Variants in SYTL1 observed in about 807,000 individuals in gnomAD.
SYTL1 encodes the protein synaptotagmin-like protein 1.
A neutral mutation model predicts 74.6 loss-of-function variants in SYTL1; 53 were observed. That is an observed-to-expected ratio of 0.71 (90% CI 0.57 to 0.89). The LOEUF is 0.89. SYTL1 is among the 40% of genes least tolerant of loss of function. The probability of loss-of-function intolerance (pLI) is 0.00; values close to 1 mark genes in which losing one functional copy is unlikely to be tolerated. For synonymous variants in SYTL1, 329 were observed against 324.9 expected (o/e 1.01, Z -0.14); for missense variants, 728 against 768.7 (o/e 0.95, Z 0.63).
At position 27,348,046 on chromosome 1, in the gene SYTL1, C is replaced by G. The variant is rs1190059560; in HGVS notation, c.459+34C>G. 1 of 1,608,426 alleles carries G rather than the reference C, an allele frequency of 6.2e-7. No individual in the cohort carries two copies. Among genetic ancestry groups the G allele is most frequent in the East Asian group, 2.2e-5 (1 of 44,848 alleles). On this transcript the variant is annotated intron_variant, in intron 5 of 14. Coordinates refer to ENST00000616558, the MANE Select transcript of SYTL1 (RefSeq NM_001193308.2). The surrounding 1 kb of genome is among the most constrained non-coding windows in gnomAD (Gnocchi z 4.1). ...ATGAGCCAACATGTGAGTACAGTGT[C>G]CCTGGAGGGGAGGTGGAATGTGCAG...
chr1:27,344,189 T>C (rs1009887017), intron 1 of SYTL1, among the ~76,000 whole-genome samples: 1 of 151,932 alleles, frequency 6.6e-6, no homozygotes, highest in African/African-American at 2.4e-5. Context: ...CCATAACCTC[T>C]GCCTCCCAGT....
chr1:27,347,222 A>G lies in SYTL1; in HGVS notation c.192-199A>G, dbSNP rs149295102. ...GGCAGAGCTGGCTCTTCTTACTTCTATCACATCATCCACCTCACTACAGTG... is the reference window on the plus strand; with the variant it reads ...GGCAGAGCTGGCTCTTCTTACTTCTGTCACATCATCCACCTCACTACAGTG... On this transcript the variant is annotated intron_variant, in intron 2 of 14. Coordinates refer to ENST00000616558, the MANE Select transcript of SYTL1 (RefSeq NM_001193308.2). The surrounding 1 kb of genome is among the most constrained non-coding windows in gnomAD (Gnocchi z 4.9). 5.4e-3 allele frequency among the ~76,000 whole-genome samples: 828 copies of G among 152,346 alleles called. 10 individuals carry two copies. Among genetic ancestry groups the G allele is most frequent in the African/African-American group, 0.019 (783 of 41,574 alleles).
At chr1:27,353,621 G>A (rs943759253) in intron 14 of SYTL1, 92 bp from the exon 15 acceptor site, 4 of 1,561,052 alleles carry the variant, frequency 2.6e-6, no homozygotes, top group Non-Finnish European at 3.5e-6. Flanking sequence ...TGGTAACGGG[G>A]GACAGTGCAT....
rs967265169 is a variant in SYTL1, at chr1:27,345,782, T to A, written c.191+257T>A. Among the ~76,000 whole-genome samples the A allele has an allele frequency of 7.2e-6, 1 of 138,872 alleles. No individual in the cohort carries two copies. 91.1% of individuals were successfully genotyped at this position (138,872 alleles called of 152,430 possible). ...CTGGTGCTCCCCAGATCTGTCTGCTTTTTTTTTTTTTTCTTGAGACAGAGT... is the reference window on the plus strand; with the variant it reads ...CTGGTGCTCCCCAGATCTGTCTGCTATTTTTTTTTTTTCTTGAGACAGAGT... On this transcript the variant is annotated intron_variant, in intron 2 of 14. Coordinates refer to ENST00000616558, the MANE Select transcript of SYTL1 (RefSeq NM_001193308.2). The surrounding 1 kb of genome is among the most constrained non-coding windows in gnomAD (Gnocchi z 6.0).
rs760860885 is a variant in SYTL1, at chr1:27,347,838, C to CTGTG, written c.373_374insTGTG (p.Glu125ValfsTer2). 4.3e-5 allele frequency: 70 copies of CTGTG among 1,613,872 alleles called. No individual in the cohort carries two copies. Among genetic ancestry groups the CTGTG allele is most frequent in the Non-Finnish European group, 5.6e-5 (66 of 1,179,938 alleles). On this transcript the variant is annotated frameshift_variant, in exon 4 of 15. Coordinates refer to ENST00000616558, the MANE Select transcript of SYTL1 (RefSeq NM_001193308.2). LOFTEE classifies it high-confidence loss of function. This position sits in a 1 kb window ranked among gnomAD's most constrained non-coding sequence, Gnocchi z 4.9. ...CAGGCTCCAGGCCACGACAGGGAGG[C>CTGTG]TGAGGCTGCTGTGAAAGAGAAGGAA...
At chr1:27,346,491 T>G (rs1054486903) in intron 2 of SYTL1, among the ~76,000 whole-genome samples, 1 of 152,138 alleles carries the variant, frequency 6.6e-6, no homozygotes, top group East Asian at 1.9e-4. Context: ...TGGCCAGAGA[T>G]AGTGGCAACG....
In SYTL1 at chr1:27,349,674, T is replaced by C. The variant is rs761683663; in HGVS notation, c.656T>C (p.Leu219Pro). ...QAQTKAASQI[L>P]ENGEEAPGPD... ...CAGACCAAGGCCGCGTCCCAGATCC[T>C]GGAGAATGGGGAGGAGGCCCCGGGG... The change falls in exon 8 of 15, where the codon CTG becomes CCG. Residue 219 changes from leucine (L) to proline (P), a missense_variant. By Grantham distance (98) the Leu-to-Pro change is moderately conservative. Coordinates refer to ENST00000616558, the MANE Select transcript of SYTL1 (RefSeq NM_001193308.2). The C allele has an allele frequency of 3.7e-6, 6 of 1,610,640 alleles. No individual in the cohort carries two copies. The East Asian group carries it at 1.3e-4, about 36-fold the overall frequency.
Position 27,351,581 on chromosome 1 carries a change from TC to T in SYTL1, c.1343+29del. ...GTGAGGAGTGCTGGCCCTCCGGGCTTCCCATTCTTTTGCCTGCAGTGGAGTG... is the reference window on the plus strand; with the variant it reads ...GTGAGGAGTGCTGGCCCTCCGGGCTTCCATTCTTTTGCCTGCAGTGGAGTG... On this transcript the variant is annotated intron_variant, in intron 13 of 14. Coordinates refer to ENST00000616558, the MANE Select transcript of SYTL1 (RefSeq NM_001193308.2). This position sits in a 1 kb window ranked among gnomAD's most constrained non-coding sequence, Gnocchi z 5.0. The T allele has an allele frequency of 6.9e-7, 1 of 1,447,308 alleles. No homozygotes were observed. Among genetic ancestry groups the T allele is most frequent in the Non-Finnish European group, 9.3e-7 (1 of 1,077,424 alleles). 89.7% of individuals were successfully genotyped at this position (1,447,308 alleles called of 1,614,324 possible). A position where few individuals can be genotyped will look rare whatever the true frequency, so the allele number is the denominator to read the frequency against.
At position 27,347,393 on chromosome 1, in the gene SYTL1, G is replaced by T. The variant is rs771523443; in HGVS notation, c.192-28G>T. On this transcript the variant is annotated intron_variant, in intron 2 of 14. Transcript: ENST00000616558. This position sits in a 1 kb window ranked among gnomAD's most constrained non-coding sequence, Gnocchi z 4.9. ...CGGGAATGTTGCTTGGGTGAGTCATGACAGCCACACCCTCCCCCTTCCTCC... is the reference window on the plus strand; with the variant it reads ...CGGGAATGTTGCTTGGGTGAGTCATTACAGCCACACCCTCCCCCTTCCTCC... 3 of 1,613,660 alleles carry T rather than the reference G, an allele frequency of 1.9e-6. No individual in the cohort carries two copies. In the South Asian group the frequency reaches 3.3e-5, roughly 18 times the overall value.
intron 2 of SYTL1, among the ~76,000 whole-genome samples, chr1:27,346,660 G>C (rs1031217809): frequency 2.0e-5 from 3 of 152,070 alleles, no homozygotes. Flanking sequence ...TATTTAGGCA[G>C]CTGAGGTGAG....
chr1:27,351,592 T>A lies in SYTL1; in HGVS notation c.1343+37T>A. On this transcript the variant is annotated intron_variant, in intron 13 of 14. Coordinates refer to ENST00000616558, the MANE Select transcript of SYTL1 (RefSeq NM_001193308.2). This position sits in a 1 kb window ranked among gnomAD's most constrained non-coding sequence, Gnocchi z 5.0. ...TGGCCCTCCGGGCTTCCCATTCTTTTGCCTGCAGTGGAGTGCCCAACCTCC... is the reference window on the plus strand; with the variant it reads ...TGGCCCTCCGGGCTTCCCATTCTTTAGCCTGCAGTGGAGTGCCCAACCTCC... The A allele has an allele frequency of 7.3e-7, 1 of 1,377,070 alleles. No homozygotes were observed. Among genetic ancestry groups the A allele is most frequent in the Non-Finnish European group, 9.8e-7 (1 of 1,015,318 alleles). The allele number at this position is 1,377,070 out of a possible 1,614,324, so 85.3% of individuals were successfully genotyped here.
chr1:27,351,624 C>T lies in SYTL1; in HGVS notation c.1343+69C>T. On this transcript the variant is annotated intron_variant, in intron 13 of 14. Coordinates refer to ENST00000616558, the MANE Select transcript of SYTL1 (RefSeq NM_001193308.2). This position sits in a 1 kb window ranked among gnomAD's most constrained non-coding sequence, Gnocchi z 5.0. ...AGTGGAGTGCCCAACCTCCACAAAC[C>T]CTTACTAATCAACCTTTGATCACGC... 3 of 1,006,312 alleles carry T rather than the reference C, an allele frequency of 3.0e-6. No individual in the cohort carries two copies. In the South Asian group the frequency reaches 5.0e-5, roughly 17 times the overall value. The allele number at this position is 1,006,312 out of a possible 1,614,324, so 62.3% of individuals were successfully genotyped here.
Position 27,343,794 on chromosome 1 carries a change from T to C in SYTL1, c.-38-1503T>C, listed in dbSNP as rs1030369360. Among the ~76,000 whole-genome samples, 1 of 152,178 alleles carries C rather than the reference T, an allele frequency of 6.6e-6. No individual in the cohort carries two copies. Among genetic ancestry groups the C allele is most frequent in the Non-Finnish European group, 1.5e-5 (1 of 68,024 alleles). On this transcript the variant is annotated intron_variant, in intron 1 of 14. Transcript: ENST00000616558. This position sits in a 1 kb window ranked among gnomAD's most constrained non-coding sequence, Gnocchi z 5.2. Reference sequence around the variant, plus strand: ...GCTCACAACCCAGTTAGCCGGGCAATGTATGTGTGCCAAAGTCTGTATGAT... The same window carrying C: ...GCTCACAACCCAGTTAGCCGGGCAACGTATGTGTGCCAAAGTCTGTATGAT...
chr1:27,345,366 G>A lies in SYTL1; in HGVS notation c.32G>A (p.Gly11Glu), dbSNP rs1466237507. The A allele has an allele frequency of 2.6e-6, 4 of 1,545,552 alleles. No homozygotes were observed. Among genetic ancestry groups the A allele is most frequent in the Middle Eastern group, 1.9e-4 (1 of 5,404 alleles). The change falls in exon 2 of 15, where the codon GGG becomes GAG. Residue 11 changes from glycine (G) to glutamate (E), a missense_variant. Gly to Glu is a moderately conservative substitution (Grantham distance 98). Transcript: ENST00000616558. The surrounding 1 kb of genome is among the most constrained non-coding windows in gnomAD (Gnocchi z 6.0). ...CAGAGGGGCCACCCATCGCAAGAGG[G>A]GCTTTGGGCTCTGCCCTCCCTCCCC... MPQRGHPSQEGLWALPSLPMA... is the reference protein window; with the variant it reads MPQRGHPSQEELWALPSLPMA...
rs546723756 is a variant in SYTL1, at chr1:27,350,963, C to G, written c.1164+11C>G. On this transcript the variant is annotated intron_variant, in intron 11 of 14. Coordinates refer to ENST00000616558, the MANE Select transcript of SYTL1 (RefSeq NM_001193308.2). This position sits in a 1 kb window ranked among gnomAD's most constrained non-coding sequence, Gnocchi z 6.3. ...CCCCTGCAGCCCCGGGTGAGGCAGC[C>G]AGGCCGCGTGGGGAGACCTGCGGCC... is the stretch of plus-strand genomic sequence containing the variant. 3.7e-6 allele frequency: 6 copies of G among 1,612,466 alleles called. No homozygotes were observed. The highest frequency in any genetic ancestry group is 3.3e-5 in the South Asian group (3 of 91,040).
At position 27,351,350 on chromosome 1, in the gene SYTL1, GGA is replaced by G. The variant is rs1265984871; in HGVS notation, c.1243+18_1243+19del. 2.6e-6 allele frequency: 4 copies of G among 1,538,814 alleles called. No individual in the cohort carries two copies. Among genetic ancestry groups the G allele is most frequent in the Non-Finnish European group, 3.5e-6 (4 of 1,140,862 alleles). ...CCGGCTCCGAGGGTGAGTGACAGCC[GGA>G]GAGGCCAAGCTGGACACGCCCTGAA... On this transcript the variant is annotated intron_variant, in intron 12 of 14. Transcript: ENST00000616558. This position sits in a 1 kb window ranked among gnomAD's most constrained non-coding sequence, Gnocchi z 5.0.
Position 27,347,732 on chromosome 1 carries a change from T to C in SYTL1, c.341-76T>C, listed in dbSNP as rs1323789970. ...TCCGTGGGCATGGGGTGGGTGGGTA[T>C]CTCCCAGGGCCTCTCCCGAGTCACA... On this transcript the variant is annotated intron_variant, in intron 3 of 14. Transcript: ENST00000616558. The surrounding 1 kb of genome is among the most constrained non-coding windows in gnomAD (Gnocchi z 4.9). The C allele has an allele frequency of 1.4e-5, 21 of 1,538,300 alleles. No homozygotes were observed. The highest frequency in any genetic ancestry group is 8.8e-7 in the Non-Finnish European group (1 of 1,133,336).
chr1:27,353,305 C>T lies in SYTL1; in HGVS notation c.1366C>T (p.Gln456Ter), dbSNP rs1471289364. The change falls in exon 14 of 15, where the codon CAG becomes TAG. Residue 456 changes from glutamine (Q) to a stop codon, truncating the protein, a stop_gained. Coordinates refer to ENST00000616558, the MANE Select transcript of SYTL1 (RefSeq NM_001193308.2). LOFTEE classifies it high-confidence loss of function. ...VQCFVLPDDS[Q>*]ASRQRTRVVR... ...CAGCTTCGTGCTGCCTGATGACAGC[C>T]AGGCCAGCCGCCAGCGTACAAGGGT... is the stretch of plus-strand genomic sequence containing the variant. 1 of 1,599,008 alleles carries T rather than the reference C, an allele frequency of 6.3e-7. No individual in the cohort carries two copies. Among genetic ancestry groups the T allele is most frequent in the Non-Finnish European group, 8.5e-7 (1 of 1,173,248 alleles).
rs538168956 is a variant in SYTL1, at chr1:27,343,471, G to A, written c.-39+1321G>A. Among the ~76,000 whole-genome samples the A allele has an allele frequency of 1.2e-4, 18 of 152,196 alleles. 1 individual carries two copies. Among genetic ancestry groups the A allele is most frequent in the Admixed American group, 3.3e-4 (5 of 15,300 alleles). On this transcript the variant is annotated intron_variant, in intron 1 of 14. Coordinates refer to ENST00000616558, the MANE Select transcript of SYTL1 (RefSeq NM_001193308.2). This position sits in a 1 kb window ranked among gnomAD's most constrained non-coding sequence, Gnocchi z 5.2. ...GTTACCTCAGGAGAGGAAGTTGGGG[G>A]TGTGGGCTGAGGAGGAGGTTGCCTC...
Sources: gnomAD v4.1 joint callset for allele counts (sites outside exome capture counted in the v4.1 genomes callset) on GRCh38, gnomAD v4.1.1 for gene constraint, Gnocchi (gnomAD v3.1) non-coding constraint, MANE v1.5 for transcripts, NCBI Gene and HGNC (gene_info 2026-07-23, HGNC 2026-07-21) for gene names.